Variants in PLCL2 observed in about 807,000 individuals in gnomAD.
The protein encoded by PLCL2 is phospholipase C like 2.
A neutral mutation model predicts 79.6 loss-of-function variants in PLCL2; 4 were observed. That is an observed-to-expected ratio of 0.05 (90% confidence interval 0.02 to 0.11). The LOEUF is 0.11. PLCL2 is among the 10% of genes least tolerant of loss of function. PLCL2 has a pLI of 1.00. For missense variants in PLCL2, 895 were observed against 1,291.0 expected (o/e 0.69, Z 4.70); for synonymous variants, 484 against 457.7 (o/e 1.06, Z -0.73).
At chr3:16,896,278 C>T (rs1462552823) in intron 1 of PLCL2, among the ~76,000 whole-genome samples, 2 of 152,054 alleles carry the variant, frequency 1.3e-5, no homozygotes, top group African/African-American at 4.8e-5. Context: ...CTGCTAAAGC[C>T]CTGCACTAGT....
intron 3 of PLCL2, among the ~76,000 whole-genome samples, chr3:17,028,360 T>C (rs2064541108): frequency 6.6e-6 from 1 of 152,198 alleles, no homozygotes; most frequent in Non-Finnish European, 1.5e-5. Context: ...ACCTGAGGAA[T>C]GGGAAAGATG....
At chr3:17,029,677 C>T (rs1193011537) in intron 3 of PLCL2, among the ~76,000 whole-genome samples, 1 of 152,112 alleles carries the variant, frequency 6.6e-6, no homozygotes, top group East Asian at 1.9e-4. Flanking sequence ...CAGAGAAATT[C>T]TTGAAAGCCA....
intron 1 of PLCL2, among the ~76,000 whole-genome samples, chr3:16,909,103 CCTG>C (rs1696815777): frequency 6.6e-6 from 1 of 152,158 alleles, no homozygotes; most frequent in Non-Finnish European, 1.5e-5. Context: ...ATGTTATCTG[CCTG>C]CTGCACATAT....
At chr3:17,075,501 C>G (rs2065100311) in intron 5 of PLCL2, among the ~76,000 whole-genome samples, 1 of 149,802 alleles carries the variant, frequency 6.7e-6, no homozygotes, top group African/African-American at 2.5e-5. Flanking sequence ...AAAAATGACA[C>G]TGTAGACTTG....
At chr3:17,021,666 G>A (rs758645783) in intron 3 of PLCL2, among the ~76,000 whole-genome samples, 1 of 151,742 alleles carries the variant, frequency 6.6e-6, no homozygotes, top group African/African-American at 2.4e-5. Flanking sequence ...TGAGGAAAGA[G>A]TAGCACTTTA....
chr3:17,027,818 T>G (rs1017440662), intron 3 of PLCL2, among the ~76,000 whole-genome samples: 2 of 152,148 alleles, frequency 1.3e-5, no homozygotes, highest in African/African-American at 4.8e-5. Flanking sequence ...TACTAATTGT[T>G]ACGGTCAGAA....
chr3:16,954,712 T>C (rs2063687289), intron 1 of PLCL2, among the ~76,000 whole-genome samples: 2 of 152,130 alleles, frequency 1.3e-5, no homozygotes, highest in South Asian at 4.1e-4. Flanking sequence ...TTTTAATGAT[T>C]GCCATTCTAA....
At chr3:16,950,615 T>A (rs1211021922) in intron 1 of PLCL2, among the ~76,000 whole-genome samples, 1 of 152,008 alleles carries the variant, frequency 6.6e-6, no homozygotes, top group Non-Finnish European at 1.5e-5. Context: ...TAAGTCTTAT[T>A]CTTCTATTGG....
At chr3:16,972,636 A>G (rs889372393) in intron 1 of PLCL2, among the ~76,000 whole-genome samples, 1 of 152,098 alleles carries the variant, frequency 6.6e-6, no homozygotes, top group Non-Finnish European at 1.5e-5. Flanking sequence ...CCAAGTCTTC[A>G]TAGGTCTCTA....
chr3:16,953,175 C>G (rs930124104), intron 1 of PLCL2, among the ~76,000 whole-genome samples: 1 of 152,092 alleles, frequency 6.6e-6, no homozygotes, highest in African/African-American at 2.4e-5. Flanking sequence ...GTGCAAAACA[C>G]TATGCATAGT....
At position 17,009,698 on chromosome 3, in the gene PLCL2, C is replaced by T. The variant is rs760499396; in HGVS notation, c.352C>T (p.Arg118Trp). The T allele has an allele frequency of 1.2e-5, 19 of 1,597,774 alleles. No homozygotes were observed. Among genetic ancestry groups the T allele is most frequent in the East Asian group, 2.3e-5 (1 of 44,386 alleles). ...GGATGGTACAAAACAGAAGAGGGAACGGAAAAAGACAGTCTCATTCAGCAG... is the reference window on the plus strand; with the variant it reads ...GGATGGTACAAAACAGAAGAGGGAATGGAAAAAGACAGTCTCATTCAGCAG... ...IKDGTKQKRE[R>W]KKTVSFSSMP... Residue 118 changes from arginine to tryptophan, a missense_variant, in exon 2 of 6, where the codon CGG (arginine) becomes TGG (tryptophan). Transcript: ENST00000615277. This position sits in a 1 kb window ranked among gnomAD's most constrained non-coding sequence, Gnocchi z 4.0.
intron 5 of PLCL2, among the ~76,000 whole-genome samples, chr3:17,068,406 A>G (rs941095415): frequency 6.6e-6 from 1 of 152,226 alleles, no homozygotes; most frequent in Non-Finnish European, 1.5e-5. Context: ...ATGATTGGGA[A>G]TTTAAAGATT....
rs1469840848 is a variant in PLCL2, at chr3:17,090,188, T to G, written c.*276T>G. 9.1e-7 allele frequency: 1 copy of G among 1,097,070 alleles called. No individual in the cohort carries two copies. Among genetic ancestry groups the G allele is most frequent in the Non-Finnish European group, 1.1e-6 (1 of 900,818 alleles). 68.0% of individuals were successfully genotyped at this position (1,097,070 alleles called of 1,614,324 possible). A position where few individuals can be genotyped will look rare whatever the true frequency, so the allele number is the denominator to read the frequency against. ...TCAGTTCCAGTATGAAGAAAGATTA[T>G]TCACTCTAGCTCCACTGAGAAACAT... On this transcript the variant is annotated 3_prime_UTR_variant, in exon 6 of 6. Coordinates refer to ENST00000615277, the MANE Select transcript of PLCL2 (RefSeq NM_001144382.2).
chr3:17,035,493 G>C (rs996020198), intron 3 of PLCL2, among the ~76,000 whole-genome samples: 1 of 152,086 alleles, frequency 6.6e-6, no homozygotes, highest in South Asian at 2.1e-4. Context: ...CATGTAATGT[G>C]TTCATGTCAT....
At chr3:16,928,365 C>T (rs1453497184) in intron 1 of PLCL2, among the ~76,000 whole-genome samples, 2 of 152,194 alleles carry the variant, frequency 1.3e-5, no homozygotes, top group Non-Finnish European at 2.9e-5. Flanking sequence ...AGTAGAATGC[C>T]TACAGAGGCC....
At chr3:16,895,121 T>C (rs991525202) in intron 1 of PLCL2, among the ~76,000 whole-genome samples, 1 of 152,036 alleles carries the variant, frequency 6.6e-6, no homozygotes, top group Non-Finnish European at 1.5e-5. Context: ...TAGATATATG[T>C]TGAAACATGT....
At chr3:17,055,272 CTAAT>C (rs772012404) in intron 4 of PLCL2, among the ~76,000 whole-genome samples, 5 of 152,124 alleles carry the variant, frequency 3.3e-5, no homozygotes, top group African/African-American at 7.2e-5. Flanking sequence ...TAGGCATTTA[CTAAT>C]TAATTAACTA....
chr3:16,950,295 T>C (rs2063638901), intron 1 of PLCL2, among the ~76,000 whole-genome samples: 1 of 152,212 alleles, frequency 6.6e-6, no homozygotes, highest in Non-Finnish European at 1.5e-5. Flanking sequence ...TTAATTACCT[T>C]ATGTCCTTCA....
chr3:16,895,794 C>G (rs574630625), intron 1 of PLCL2, among the ~76,000 whole-genome samples: 1 of 152,312 alleles, frequency 6.6e-6, no homozygotes, highest in African/African-American at 2.4e-5. Context: ...CAGATGACTG[C>G]CCTATGCACT....
Sources: gnomAD v4.1 joint callset for allele counts (sites outside exome capture counted in the v4.1 genomes callset) on GRCh38, gnomAD v4.1.1 for gene constraint, Gnocchi (gnomAD v3.1) non-coding constraint, MANE v1.5 for transcripts, NCBI Gene and HGNC (gene_info 2026-07-23, HGNC 2026-07-21) for gene names.